EPHA3: variants seen among roughly 807,000 people sequenced by gnomAD.
EPHA3 encodes the protein EPH receptor A3, also known as ephrin type-A receptor 3.
A neutral mutation model predicts 107.1 loss-of-function variants in EPHA3; 42 were observed. The ratio of observed to expected loss-of-function variants is 0.39; its 90% CI spans 0.31 to 0.51. The LOEUF (loss-of-function observed/expected upper bound fraction) is 0.51. Ranked by LOEUF, EPHA3 falls within the 20% of genes least tolerant of loss-of-function variation. EPHA3 has a pLI of 0.78. For synonymous variants in EPHA3, 461 were observed against 424.8 expected, an observed-to-expected ratio of 1.09 and a Z score of -1.05; for missense variants, 1,183 against 1,211.2, an observed-to-expected ratio of 0.98 and a Z score of 0.35.
Position 89,226,822 on chromosome 3 carries a change from C to T in EPHA3, c.814+16302C>T, listed in dbSNP as rs1300327359. Among the ~76,000 whole-genome samples, 5 of 152,150 alleles carry T rather than the reference C, an allele frequency of 3.3e-5. No homozygotes were observed. In the East Asian group the frequency reaches 9.7e-4, roughly 29 times the overall value. ...TTATTCAGCACCAGATAATTAGCTA[C>T]TTTGCAAATGTCATGACGTTTGAAG... is the stretch of plus-strand genomic sequence containing the variant. On this transcript the variant is annotated intron_variant, in intron 3 of 16. Transcript: ENST00000336596.
chr3:89,344,567 G>A (rs1707599681), intron 5 of EPHA3, among the ~76,000 whole-genome samples: 1 of 152,082 alleles, frequency 6.6e-6, no homozygotes, highest in African/African-American at 2.4e-5. Flanking sequence ...TTTTCTGAAG[G>A]GAGTGTTTCT....
chr3:89,234,973 TTCC>T (rs1437750204), intron 3 of EPHA3, among the ~76,000 whole-genome samples: 4 of 134,354 alleles, frequency 3.0e-5, no homozygotes, highest in Admixed American at 2.9e-4. Flanking sequence ...TCCTCCTTCC[TTCC>T]TTCCCTCCTC....
chr3:89,139,688 A>G (rs1196845581), intron 2 of EPHA3, among the ~76,000 whole-genome samples: 1 of 151,726 alleles, frequency 6.6e-6, no homozygotes, highest in Non-Finnish European at 1.5e-5. Context: ...CATCTAGTGC[A>G]ATACTCTAAT....
chr3:89,274,295 C>CA lies in EPHA3; in HGVS notation c.814+63783dup, dbSNP rs555617093. Among the ~76,000 whole-genome samples, 47 of 151,290 alleles carry CA rather than the reference C, an allele frequency of 3.1e-4. 1 individual carries two copies. The highest frequency in any genetic ancestry group is 2.1e-3 in the South Asian group (10 of 4,804). ...TAAATTTATTTTCATTTTAAAGATT[C>CA]AAAAAAAATCATTCCATCTCTGTTA... On this transcript the variant is annotated intron_variant, in intron 3 of 16. Coordinates refer to ENST00000336596, the MANE Select transcript of EPHA3 (RefSeq NM_005233.6).
chr3:89,226,256 C>G (rs1390806549), intron 3 of EPHA3, among the ~76,000 whole-genome samples: 1 of 152,020 alleles, frequency 6.6e-6, no homozygotes, highest in East Asian at 1.9e-4. Context: ...TTGGAGCTAA[C>G]AAGAGATAAC....
At chr3:89,136,683 C>T (rs1704323239) in intron 2 of EPHA3, among the ~76,000 whole-genome samples, 1 of 151,720 alleles carries the variant, frequency 6.6e-6, no homozygotes, top group South Asian at 2.1e-4. Context: ...AACATAAGTG[C>T]ATGGGTTTTA....
At chr3:89,458,319 T>C (rs1432538481) in intron 15 of EPHA3, among the ~76,000 whole-genome samples, 3 of 151,982 alleles carry the variant, frequency 2.0e-5, no homozygotes, top group Non-Finnish European at 4.4e-5. Flanking sequence ...GCCAGTTATA[T>C]CACAGAAGAA....
At chr3:89,233,969 C>T (rs1704694353) in intron 3 of EPHA3, among the ~76,000 whole-genome samples, 1 of 152,108 alleles carries the variant, frequency 6.6e-6, no homozygotes, top group African/African-American at 2.4e-5. Flanking sequence ...TTTGGGCTTG[C>T]AGTTAAAGTG....
intron 3 of EPHA3, among the ~76,000 whole-genome samples, chr3:89,230,089 G>T (rs1460997950): frequency 6.6e-6 from 1 of 152,060 alleles, no homozygotes; most frequent in Admixed American, 6.6e-5. Context: ...GAAATTTACA[G>T]ATCTAGGCTC....
chr3:89,326,912 A>T (rs1313251019), intron 3 of EPHA3, among the ~76,000 whole-genome samples: 1 of 152,120 alleles, frequency 6.6e-6, no homozygotes, highest in East Asian at 1.9e-4. Flanking sequence ...AATTAGACCT[A>T]CTAAGATATA....
At chr3:89,144,024 T>A (rs530339196) in intron 2 of EPHA3, among the ~76,000 whole-genome samples, 8 of 151,732 alleles carry the variant, frequency 5.3e-5, no homozygotes, top group African/African-American at 1.9e-4. Context: ...ATAATTAACA[T>A]CTTGCATTGC....
intron 3 of EPHA3, among the ~76,000 whole-genome samples, chr3:89,299,282 C>A (rs1316552660): frequency 6.6e-6 from 1 of 151,818 alleles, no homozygotes; most frequent in Non-Finnish European, 1.5e-5. Context: ...TGGATTAAAT[C>A]ATTGTAACAA....
At chr3:89,367,226 G>A (rs1160666952) in intron 5 of EPHA3, among the ~76,000 whole-genome samples, 1 of 150,682 alleles carries the variant, frequency 6.6e-6, no homozygotes, top group African/African-American at 2.4e-5. Flanking sequence ...CTCGCTACAG[G>A]TTCATGCCTT....
chr3:89,118,743 A>T (rs2106954963), intron 1 of EPHA3, among the ~76,000 whole-genome samples: 1 of 152,078 alleles, frequency 6.6e-6, no homozygotes, highest in East Asian at 1.9e-4. Flanking sequence ...TACTTATCTG[A>T]GGATTAGTTA....
intron 16 of EPHA3, among the ~76,000 whole-genome samples, chr3:89,474,634 A>G (rs1392003649): frequency 2.0e-5 from 3 of 152,206 alleles, no homozygotes; most frequent in Admixed American, 2.0e-4. Context: ...TTGAAACACT[A>G]TATTGAAATG....
At chr3:89,173,985 T>C (rs917590696) in intron 2 of EPHA3, among the ~76,000 whole-genome samples, 2 of 151,968 alleles carry the variant, frequency 1.3e-5, no homozygotes, top group Non-Finnish European at 2.9e-5. Flanking sequence ...GTGTGTCTTT[T>C]GGGACATATA....
At chr3:89,345,705 C>A (rs1165899752) in intron 5 of EPHA3, among the ~76,000 whole-genome samples, 1 of 143,078 alleles carries the variant, frequency 7.0e-6, no homozygotes, top group South Asian at 2.2e-4. Flanking sequence ...CGTGCTGGTG[C>A]GCTGCACCCA....
At chr3:89,397,249 A>G (rs978185932) in intron 6 of EPHA3, among the ~76,000 whole-genome samples, 5 of 152,210 alleles carry the variant, frequency 3.3e-5, no homozygotes, top group African/African-American at 1.2e-4. Context: ...TTGTTCAAAA[A>G]TTGTAGTAGA....
At chr3:89,120,129 C>T (rs1707344317) in intron 1 of EPHA3, among the ~76,000 whole-genome samples, 1 of 152,090 alleles carries the variant, frequency 6.6e-6, no homozygotes. Context: ...ACTGCTATTT[C>T]CCTTAATGAC....
Sources: gnomAD v4.1 joint callset for allele counts (sites outside exome capture counted in the v4.1 genomes callset) on GRCh38, gnomAD v4.1.1 for gene constraint, MANE v1.5 for transcripts, NCBI Gene and HGNC (gene_info 2026-07-23, HGNC 2026-07-21) for gene names.